Variants in PACRGL observed in about 807,000 individuals in gnomAD.
The protein encoded by PACRGL is PACRG-like protein.
A neutral mutation model predicts 34.5 loss-of-function variants in PACRGL; 38 were observed. The ratio of observed to expected loss-of-function variants is 1.10; its 90% CI spans 0.85 to 1.44. The LOEUF is 1.44. PACRGL is among the 40% of genes most tolerant of loss of function. PACRGL has a pLI of 0.00. For synonymous variants in PACRGL, 128 were observed against 100.1 expected (o/e 1.28, Z -1.66); for missense variants, 305 against 281.4 (o/e 1.08, Z -0.60).
In PACRGL at chr4:20,707,955, A is replaced by T. The variant is rs1578147825; in HGVS notation, c.275+85A>T. 4 of 1,063,744 alleles carry T rather than the reference A, an allele frequency of 3.8e-6. No homozygotes were observed. In the East Asian group the frequency reaches 1.0e-4, roughly 27 times the overall value. 65.9% of individuals were successfully genotyped at this position (1,063,744 alleles called of 1,614,324 possible). A position where few individuals can be genotyped will look rare whatever the true frequency, so the allele number is the denominator to read the frequency against. On this transcript the variant is annotated intron_variant, in intron 4 of 8. Coordinates refer to ENST00000503585, the MANE Select transcript of PACRGL (RefSeq NM_001258345.3). ...ACAATATTTAGTTTAAATGTATTGT[A>T]AGTTTTATTTACTAGTGAGGTTGAA...
upstream of PACRGL, among the ~76,000 whole-genome samples, chr4:20,699,789 T>C (rs1043886639): frequency 5.3e-5 from 8 of 152,224 alleles, no homozygotes; most frequent in African/African-American, 1.7e-4. Flanking sequence ...ATATGCATTT[T>C]CCTGCAGCAT....
At position 20,729,936 on chromosome 4, in the gene PACRGL, G is replaced by GGATTGCTTTATATTAAAA; in HGVS notation, c.*2596_*2613dup. The GGATTGCTTTATATTAAAA allele has an allele frequency of 1.1e-6, 1 of 875,678 alleles. No individual in the cohort carries two copies. The highest frequency in any genetic ancestry group is 1.6e-6 in the Non-Finnish European group (1 of 622,536). 54.2% of individuals were successfully genotyped at this position (875,678 alleles called of 1,614,324 possible). On this transcript the variant is annotated 3_prime_UTR_variant, in exon 9 of 9. Transcript: ENST00000503585. Reference sequence around the variant, plus strand: ...ATAACTGAAAGCTCAAATCTTTTGGGGATTGCTTTATATTAAAACAAAGCT... The same window carrying GGATTGCTTTATATTAAAA: ...ATAACTGAAAGCTCAAATCTTTTGGGGATTGCTTTATATTAAAAGATTGCTTTATATTAAAACAAAGCT...
chr4:20,741,105 C>T (rs539782753), intron 8 of PACRGL, among the ~76,000 whole-genome samples: 2 of 152,252 alleles, frequency 1.3e-5, no homozygotes, highest in Non-Finnish European at 2.9e-5. Context: ...GACTTAGACT[C>T]CCACACAATA....
At position 20,724,858 on chromosome 4, in the gene PACRGL, A is replaced by C. The variant is rs1323333088; in HGVS notation, c.660A>C (p.Ala220=). The change falls in exon 8 of 9, where the codon GCA becomes GCC. Residue 220 remains alanine (A), a synonymous_variant. Coordinates refer to ENST00000503585, the MANE Select transcript of PACRGL (RefSeq NM_001258345.3). The stretch of plus-strand genomic sequence containing the variant: ...AATTCAAAGAGCCAATCACCAGCGC[A>C]TTACAAAAGCTAGAGCAACATGGTG... ...DKKFKEPITS[A]LQKLEQHGGS... 3 of 1,499,272 alleles carry C rather than the reference A, an allele frequency of 2.0e-6. No homozygotes were observed. The highest frequency in any genetic ancestry group is 2.6e-6 in the Non-Finnish European group (3 of 1,133,430). 92.9% of individuals were successfully genotyped at this position (1,499,272 alleles called of 1,614,324 possible).
At chr4:20,759,649 A>AG in the PACRGL span, among the ~76,000 whole-genome samples, 83 of 152,002 alleles carry the variant, frequency 5.5e-4, 1 homozygote, top group African/African-American at 2.0e-3. Context: ...CTAATAAAAA[A>AG]AAGAAAAAAA....
chr4:20,706,436 A>G (rs1461725810), intron 3 of PACRGL, among the ~76,000 whole-genome samples: 1 of 152,202 alleles, frequency 6.6e-6, no homozygotes, highest in East Asian at 1.9e-4. Context: ...ACTTTTTCAA[A>G]CAACTTTCTT....
chr4:20,717,027 T>C (rs1360564586), intron 7 of PACRGL, among the ~76,000 whole-genome samples: 1 of 152,236 alleles, frequency 6.6e-6, no homozygotes, highest in Non-Finnish European at 1.5e-5. Context: ...ATTGCCATTC[T>C]AACTGGTGTG....
In PACRGL at chr4:20,709,695, T is replaced by C. The variant is rs751511030; in HGVS notation, c.288T>C (p.Gly96=). 2 of 1,601,990 alleles carry C rather than the reference T, an allele frequency of 1.2e-6. No individual in the cohort carries two copies. The highest frequency in any genetic ancestry group is 3.4e-5 in the Admixed American group (2 of 59,260). Residue 96 remains glycine, a synonymous_variant, in exon 5 of 9, where the codon GGT becomes GGC. Coordinates refer to ENST00000503585, the MANE Select transcript of PACRGL (RefSeq NM_001258345.3). ...KGGIPCRLVH[G]SVKHRLQWEC... ...TTTTATATTTTAGATTGGTACATGG[T>C]TCAGTAAAACACAGATTACAGTGGG...
intron 2 of PACRGL, 57 bp downstream of exon 2, chr4:20,704,590 G>C: frequency 6.2e-7 from 1 of 1,613,024 alleles, no homozygotes. Flanking sequence ...CACTTTCTGT[G>C]CTACAGATGG....
intron 3 of PACRGL, 29 bp from the exon 4 acceptor site, chr4:20,707,774 G>T: frequency 6.3e-7 from 1 of 1,590,468 alleles, no homozygotes; most frequent in South Asian, 1.1e-5. Context: ...AAGTATAGGT[G>T]ATAGTAATAT....
intron 1 of PACRGL, chr4:20,702,744 G>A (rs1732746475): frequency 1.3e-5 from 2 of 152,010 alleles, no homozygotes; most frequent in Non-Finnish European, 2.9e-5. Flanking sequence ...TACAATAGTA[G>A]GTTAACATAT....
chr4:20,744,776 A>T (rs978316397), intron 8 of PACRGL, among the ~76,000 whole-genome samples: 3 of 152,152 alleles, frequency 2.0e-5, no homozygotes, highest in Non-Finnish European at 4.4e-5. Flanking sequence ...ATAATAATAA[A>T]AATATAAAAT....
At chr4:20,742,023 A>G (rs1282998820) in intron 8 of PACRGL, among the ~76,000 whole-genome samples, 1 of 152,224 alleles carries the variant, frequency 6.6e-6, no homozygotes, top group Non-Finnish European at 1.5e-5. Flanking sequence ...AACCAGGAAG[A>G]AGTTGAATCC....
In PACRGL at chr4:20,710,985, T is replaced by G. The variant is rs1736883636; in HGVS notation, c.366+1212T>G. The stretch of plus-strand genomic sequence containing the variant: ...GGAGGATCACTTGAGCCCAGGAGTT[T>G]GAGACCAGCCTGACCTACATAGGGA... On this transcript the variant is annotated intron_variant, in intron 5 of 8. Coordinates refer to ENST00000503585, the MANE Select transcript of PACRGL (RefSeq NM_001258345.3). Among the ~76,000 whole-genome samples the G allele has an allele frequency of 3.3e-5, 5 of 151,904 alleles. No individual in the cohort carries two copies. The South Asian group carries it at 8.3e-4, about 25-fold the overall frequency.
chr4:20,765,354 T>C, the PACRGL span, among the ~76,000 whole-genome samples: 6 of 152,176 alleles, frequency 3.9e-5, no homozygotes, highest in African/African-American at 1.4e-4. Flanking sequence ...GTACACGGTG[T>C]ATTTGTACCC....
At chr4:20,743,607 AC>A (rs1211763874) in intron 8 of PACRGL, among the ~76,000 whole-genome samples, 1 of 152,228 alleles carries the variant, frequency 6.6e-6, no homozygotes, top group Admixed American at 6.5e-5. Context: ...TACACTTTAT[AC>A]AAAAATTAAT....
At chr4:20,738,145 A>T (rs995958634) in intron 8 of PACRGL, among the ~76,000 whole-genome samples, 3 of 151,860 alleles carry the variant, frequency 2.0e-5, no homozygotes, top group Non-Finnish European at 4.4e-5. Flanking sequence ...AAAAAAAAAA[A>T]TCCTTAGCTT....
At chr4:20,758,899 A>G in the PACRGL span, 1 of 1,611,270 alleles carries the variant, frequency 6.2e-7, no homozygotes, top group Non-Finnish European at 8.5e-7. Context: ...TCCTAGGGAA[A>G]GTGGCAGAGA....
chr4:20,712,229 C>T (rs1015521848), intron 5 of PACRGL, among the ~76,000 whole-genome samples: 2 of 150,792 alleles, frequency 1.3e-5, no homozygotes, highest in African/African-American at 2.4e-5. Flanking sequence ...CCCCTGTTTT[C>T]CATTTCTTTT....
Sources: gnomAD v4.1 joint callset for allele counts (sites outside exome capture counted in the v4.1 genomes callset) on GRCh38, gnomAD v4.1.1 for gene constraint, MANE v1.5 for transcripts, NCBI Gene and HGNC (gene_info 2026-07-23, HGNC 2026-07-21) for gene names.